The following EPB41L4A variants were observed in gnomAD, a reference collection of about 807,000 sequenced individuals.
EPB41L4A encodes erythrocyte membrane protein band 4.1 like 4A.
Under a neutral mutation model 108.6 loss-of-function variants are expected in EPB41L4A, and 100 were observed. The observed-to-expected ratio is 0.92, with a 90% confidence interval of 0.78 to 1.09. EPB41L4A has a LOEUF of 1.09. EPB41L4A is among the 50% of genes least tolerant of loss of function. The probability of loss-of-function intolerance (pLI) is 0.00; values close to 1 mark genes in which losing one functional copy is unlikely to be tolerated. For missense variants in EPB41L4A, 1,030 were observed against 842.7 expected (o/e 1.22, Z -2.75); for synonymous variants, 319 against 289.0 (o/e 1.10, Z -1.05).
chr5:112,295,595 C>T (rs1016916252), intron 2 of EPB41L4A, among the ~76,000 whole-genome samples: 1 of 152,070 alleles, frequency 6.6e-6, no homozygotes, highest in African/African-American at 2.4e-5. Flanking sequence ...CCCAAGGGCA[C>T]GAATAATCAC....
chr5:112,150,961 T>C (rs1201098441), intron 12 of EPB41L4A, among the ~76,000 whole-genome samples: 1 of 152,190 alleles, frequency 6.6e-6, no homozygotes, highest in Non-Finnish European at 1.5e-5. Flanking sequence ...TTCTCAAACA[T>C]TAATTTGCAT....
intron 22 of EPB41L4A, among the ~76,000 whole-genome samples, chr5:112,166,499 T>C (rs1760258456): frequency 6.6e-6 from 1 of 152,216 alleles, no homozygotes; most frequent in Non-Finnish European, 1.5e-5. Flanking sequence ...TTCCTCACTC[T>C]GATTACATCA....
At chr5:112,322,728 TCACA>T (rs1295541367) in intron 1 of EPB41L4A, among the ~76,000 whole-genome samples, 4 of 137,042 alleles carry the variant, frequency 2.9e-5, no homozygotes, top group South Asian at 4.9e-4. Context: ...ACACACACAC[TCACA>T]CACACACCCC....
chr5:112,370,643 G>A (rs972944990), intron 1 of EPB41L4A, among the ~76,000 whole-genome samples: 3 of 152,194 alleles, frequency 2.0e-5, no homozygotes, highest in African/African-American at 4.8e-5. Flanking sequence ...GGCCGGACAC[G>A]GTGGCTCATG....
rs200258421 is a variant in EPB41L4A at position 112,188,186 on chromosome 5, A to AT, written c.1503-4052dup. Among the ~76,000 whole-genome samples, 181 of 151,488 alleles carry AT rather than the reference A, an allele frequency of 1.2e-3. 2 individuals are homozygous for AT. The highest frequency in any genetic ancestry group is 6.2e-3 in the East Asian group (32 of 5,142). On this transcript the variant is annotated intron_variant, in intron 17 of 22. Transcript: ENST00000261486. ...CTTGTGTTTCTCATCAACTGTACTC[A>AT]TTTTTTTTGGATCACCTGCTATAAA... is the stretch of plus-strand genomic sequence containing the variant.
Position 112,416,671 on chromosome 5 carries a change from T to C in EPB41L4A, c.99+2270A>G, listed in dbSNP as rs575722978. On this transcript the variant is annotated intron_variant, in intron 1 of 22. Coordinates refer to ENST00000261486, the MANE Select transcript of EPB41L4A (RefSeq NM_022140.5). ...TTTGAAGTAACTGTTTACTTTTTCA[T>C]TTACAAACTAAAGTAGGAGTTAATT... Among the ~76,000 whole-genome samples the C allele has an allele frequency of 2.4e-3, 359 of 152,302 alleles. 1 individual carries two copies. The highest frequency in any genetic ancestry group is 8.2e-3 in the African/African-American group (341 of 41,580).
chr5:112,410,593 A>T (rs1762349935), intron 1 of EPB41L4A, among the ~76,000 whole-genome samples: 1 of 152,142 alleles, frequency 6.6e-6, no homozygotes, highest in Non-Finnish European at 1.5e-5. Context: ...ACTGATGGTG[A>T]CAACAGTACC....
At chr5:112,409,350 G>A (rs1762281117) in intron 1 of EPB41L4A, among the ~76,000 whole-genome samples, 1 of 152,178 alleles carries the variant, frequency 6.6e-6, no homozygotes, top group African/African-American at 2.4e-5. Flanking sequence ...CTGGAAGGAA[G>A]TGAAGAGTGG....
intron 4 of EPB41L4A, among the ~76,000 whole-genome samples, chr5:112,274,887 T>A (rs1440521779): frequency 6.6e-6 from 1 of 152,202 alleles, no homozygotes; most frequent in East Asian, 1.9e-4. Flanking sequence ...TCTCATTTCC[T>A]ATAGAGATAA....
intron 1 of EPB41L4A, among the ~76,000 whole-genome samples, chr5:112,410,733 C>T (rs1762359843): frequency 6.6e-6 from 1 of 152,104 alleles, no homozygotes; most frequent in Non-Finnish European, 1.5e-5. Flanking sequence ...TTGCCCTTAT[C>T]GCCCAAGAAT....
At chr5:112,282,794 T>C (rs1753052800) in intron 2 of EPB41L4A, among the ~76,000 whole-genome samples, 3 of 152,228 alleles carry the variant, frequency 2.0e-5, no homozygotes, top group Non-Finnish European at 2.9e-5. Flanking sequence ...GTCTGTCTAA[T>C]CTTGTTCTGA....
At chr5:112,207,282 T>C (rs996191154) in intron 13 of EPB41L4A, among the ~76,000 whole-genome samples, 1 of 152,200 alleles carries the variant, frequency 6.6e-6, no homozygotes, top group Non-Finnish European at 1.5e-5. Flanking sequence ...CCACTCAAGA[T>C]AGATTAAGAA....
intron 17 of EPB41L4A, among the ~76,000 whole-genome samples, chr5:112,191,675 T>A (rs1484565393): frequency 3.7e-4 from 51 of 138,800 alleles, no homozygotes; most frequent in African/African-American, 9.8e-4. Context: ...CATTTATGTT[T>A]AAAAAAAAAA....
chr5:112,325,725 C>T (rs1192898046), intron 1 of EPB41L4A, among the ~76,000 whole-genome samples: 3 of 152,202 alleles, frequency 2.0e-5, no homozygotes, highest in African/African-American at 7.2e-5. Flanking sequence ...ACGTAGGTTT[C>T]ATCCAGCCCT....
intron 21 of EPB41L4A, 77 bp from the exon 22 acceptor site, chr5:112,168,897 T>A (rs1760408038): frequency 6.0e-6 from 9 of 1,490,294 alleles, no homozygotes; most frequent in Non-Finnish European, 8.4e-6. Context: ...AGAACTACAG[T>A]GTAGATATAA....
chr5:112,342,579 TGCATTAGAGCTGAG>T (rs1267006013), intron 1 of EPB41L4A, among the ~76,000 whole-genome samples: 1 of 152,152 alleles, frequency 6.6e-6, no homozygotes, highest in Non-Finnish European at 1.5e-5. Context: ...ACATGTGAAA[TGCATTAGAGCTGAG>T]GGTCTATTGT....
chr5:112,156,647 G>A (rs1272377899), intron 12 of EPB41L4A, among the ~76,000 whole-genome samples: 1 of 152,152 alleles, frequency 6.6e-6, no homozygotes, highest in Non-Finnish European at 1.5e-5. Context: ...TTAGCTAGAT[G>A]GCTGAAGATC....
At chr5:112,209,245 T>G (rs1031788950) in intron 13 of EPB41L4A, among the ~76,000 whole-genome samples, 1 of 152,234 alleles carries the variant, frequency 6.6e-6, no homozygotes, top group Non-Finnish European at 1.5e-5. Flanking sequence ...AGCTGCTCAT[T>G]GTTGTTTATA....
intron 1 of EPB41L4A, among the ~76,000 whole-genome samples, chr5:112,335,954 C>T (rs555320537): frequency 6.6e-6 from 1 of 152,246 alleles, no homozygotes; most frequent in Non-Finnish European, 1.5e-5. Flanking sequence ...CGTCTAGAAA[C>T]AGTACCGTCC....
Sources: allele counts gnomAD v4.1 joint callset (sites outside exome capture counted in the v4.1 genomes callset), GRCh38; gene constraint gnomAD v4.1.1; transcripts MANE v1.5; gene names NCBI Gene and HGNC (gene_info 2026-07-23, HGNC 2026-07-21).